CHRNA7: variants seen among roughly 807,000 people sequenced by gnomAD.
CHRNA7 encodes neuronal acetylcholine receptor subunit alpha-7.
Under a neutral mutation model 48.0 loss-of-function variants are expected in CHRNA7, and 17 were observed. That is an observed-to-expected ratio of 0.35 (90% CI 0.24 to 0.53). The LOEUF is 0.53. Ranked by LOEUF, CHRNA7 falls within the 20% of genes least tolerant of loss-of-function variation. The pLI is 0.92. For synonymous variants in CHRNA7, 75 were observed against 242.3 expected (o/e 0.31, Z 6.41); for missense variants, 155 against 577.7 (o/e 0.27, Z 7.50).
Position 32,057,407 on chromosome 15 carries a change from T to A in CHRNA7, c.195+26370T>A. Among the ~76,000 whole-genome samples the A allele has an allele frequency of 1.3e-5, 2 of 152,160 alleles. 1 individual carries two copies. Among genetic ancestry groups the A allele is most frequent in the Admixed American group, 1.3e-4 (2 of 15,266 alleles). On this transcript the variant is annotated intron_variant, in intron 2 of 9. Coordinates refer to ENST00000306901, the MANE Select transcript of CHRNA7 (RefSeq NM_000746.6). Reference sequence around the variant, plus strand: ...AGGAAAAGAAAAAAATTTCCCTAAGTTTCTTAGCAAATCAAAAGCCTTCTA... The same window carrying A: ...AGGAAAAGAAAAAAATTTCCCTAAGATTCTTAGCAAATCAAAAGCCTTCTA...
intron 5 of CHRNA7, 153 bp from the exon 6 acceptor site, chr15:32,157,455 G>A: frequency 1.7e-6 from 1 of 586,536 alleles, no homozygotes; most frequent in Non-Finnish European, 3.0e-6. Context: ...CTGTTTTACA[G>A]ATTTTGCGAA....
intron 2 of CHRNA7, among the ~76,000 whole-genome samples, chr15:32,046,439 ATG>A (rs1245067314): frequency 6.7e-6 from 1 of 148,442 alleles, no homozygotes; most frequent in African/African-American, 2.5e-5. Context: ...GCCTTTTTTC[ATG>A]TGTCTTTTGG....
chr15:32,068,148 C>CA lies in CHRNA7; in HGVS notation c.196-33147dup, dbSNP rs199756869. The stretch of plus-strand genomic sequence containing the variant: ...GTTACAGAGTGAGGCCCTATCTCTA[C>CA]AAAAAAAAGAAAAATTAGGTAGGCA... On this transcript the variant is annotated intron_variant, in intron 2 of 9. Transcript: ENST00000306901. Among the ~76,000 whole-genome samples, 523 of 151,370 alleles carry CA rather than the reference C, an allele frequency of 3.5e-3. 3 individuals are homozygous for CA. The highest frequency in any genetic ancestry group is 0.012 in the African/African-American group (481 of 41,292).
intron 2 of CHRNA7, among the ~76,000 whole-genome samples, chr15:32,041,888 GT>G (rs1357645932): frequency 6.6e-6 from 1 of 152,088 alleles, no homozygotes; most frequent in Non-Finnish European, 1.5e-5. Flanking sequence ...TGCTTACATT[GT>G]TTAACTGTTC....
chr15:32,045,934 T>C (rs1458968018), intron 2 of CHRNA7, among the ~76,000 whole-genome samples: 3 of 150,940 alleles, frequency 2.0e-5, no homozygotes, highest in African/African-American at 7.3e-5. Context: ...TTTTTTGTCC[T>C]TGGGATAGTT....
chr15:32,086,397 C>T (rs1442520725), intron 2 of CHRNA7, among the ~76,000 whole-genome samples: 1 of 145,188 alleles, frequency 6.9e-6, no homozygotes, highest in Non-Finnish European at 1.5e-5. Flanking sequence ...AAAAGATAAA[C>T]ACTTTTATTT....
At chr15:32,146,214 G>GAAA (rs1304297960) in intron 4 of CHRNA7, among the ~76,000 whole-genome samples, 1 of 152,106 alleles carries the variant, frequency 6.6e-6, no homozygotes, top group Non-Finnish European at 1.5e-5. Context: ...GATTGAGGCA[G>GAAA]AAAAAAATAA....
intron 2 of CHRNA7, among the ~76,000 whole-genome samples, chr15:32,067,615 C>T (rs563685122): frequency 5.9e-5 from 9 of 152,300 alleles, no homozygotes; most frequent in African/African-American, 1.4e-4. Flanking sequence ...ATAAAAGACA[C>T]TGTAAATATA....
intron 2 of CHRNA7, among the ~76,000 whole-genome samples, chr15:32,031,524 A>G (rs1443011175): frequency 6.6e-6 from 1 of 152,216 alleles, no homozygotes; most frequent in Non-Finnish European, 1.5e-5. Context: ...GCAGAGGGCA[A>G]GAGGGCCAGC....
At chr15:32,114,459 C>T (rs2050833611) in intron 4 of CHRNA7, among the ~76,000 whole-genome samples, 1 of 152,172 alleles carries the variant, frequency 6.6e-6, no homozygotes, top group Non-Finnish European at 1.5e-5. Context: ...ATCTGTTGAG[C>T]TCTACTGAAG....
At chr15:32,131,904 C>T (rs2051163595) in intron 4 of CHRNA7, among the ~76,000 whole-genome samples, 1 of 152,108 alleles carries the variant, frequency 6.6e-6, no homozygotes, top group African/African-American at 2.4e-5. Flanking sequence ...TCTGTTGACA[C>T]CTGGGAGGGA....
chr15:32,034,166 CT>C (rs1172516528), intron 2 of CHRNA7, among the ~76,000 whole-genome samples: 13 of 152,136 alleles, frequency 8.5e-5, no homozygotes, highest in Non-Finnish European at 1.9e-4. Flanking sequence ...CTGAGAGTGG[CT>C]TCAAAGAGAT....
intron 2 of CHRNA7, among the ~76,000 whole-genome samples, chr15:32,056,989 C>G (rs998761149): frequency 1.3e-5 from 2 of 152,174 alleles, no homozygotes; most frequent in African/African-American, 4.8e-5. Flanking sequence ...GTGTGAGCAA[C>G]CAGCTTTTAT....
chr15:32,085,993 A>C (rs956153727), intron 2 of CHRNA7, among the ~76,000 whole-genome samples: 2 of 152,196 alleles, frequency 1.3e-5, no homozygotes, highest in East Asian at 1.9e-4. Context: ...GTTTTACTAC[A>C]ATGTGACTTA....
chr15:32,107,553 T>G (rs1159550875), intron 3 of CHRNA7, among the ~76,000 whole-genome samples: 2 of 152,038 alleles, frequency 1.3e-5, no homozygotes, highest in Non-Finnish European at 2.9e-5. Context: ...GAACAGGAAT[T>G]CAGCAACATG....
intron 2 of CHRNA7, among the ~76,000 whole-genome samples, chr15:32,083,233 GA>G (rs2050243210): frequency 1.3e-5 from 2 of 152,142 alleles, no homozygotes; most frequent in Admixed American, 6.5e-5. Flanking sequence ...AGTATTGTGA[GA>G]GGGGGAGATA....
At chr15:32,106,058 A>G (rs1174820997) in intron 3 of CHRNA7, among the ~76,000 whole-genome samples, 1 of 152,162 alleles carries the variant, frequency 6.6e-6, no homozygotes. Context: ...CCCAGAGGCC[A>G]CTTCTAAGCA....
chr15:32,114,434 C>T (rs1266471108), intron 4 of CHRNA7, among the ~76,000 whole-genome samples: 1 of 152,058 alleles, frequency 6.6e-6, no homozygotes, highest in Non-Finnish European at 1.5e-5. Context: ...CGGTGCAGAA[C>T]CCCATCGCTC....
intron 2 of CHRNA7, among the ~76,000 whole-genome samples, chr15:32,095,877 C>G (rs1011006773): frequency 2.0e-5 from 3 of 152,156 alleles, no homozygotes; most frequent in African/African-American, 7.2e-5. Context: ...CATCATGGTT[C>G]AAAACACAAG....
Sources: allele counts gnomAD v4.1 joint callset (sites outside exome capture counted in the v4.1 genomes callset), GRCh38; gene constraint gnomAD v4.1.1; transcripts MANE v1.5; gene names NCBI Gene and HGNC (gene_info 2026-07-23, HGNC 2026-07-21).